PTTG1IP2: variants seen among roughly 807,000 people sequenced by gnomAD.
PTTG1IP2 encodes PTTG1IP family member 2.
chr7:90,503,339 T>C (rs1798083228), intron 6 of PTTG1IP2, among the ~76,000 whole-genome samples: 1 of 152,230 alleles, frequency 6.6e-6, no homozygotes, highest in South Asian at 2.1e-4. Flanking sequence ...ATATCAGCAA[T>C]AAGGCTATTT....
chr7:90,493,277 G>A (rs577652079), intron 5 of PTTG1IP2, among the ~76,000 whole-genome samples: 11 of 152,142 alleles, frequency 7.2e-5, no homozygotes, highest in Admixed American at 2.0e-4. Flanking sequence ...AACCTTTTAG[G>A]GTAAGGATGA....
chr7:90,491,387 C>T (rs1584695956), intron 4 of PTTG1IP2, among the ~76,000 whole-genome samples: 1 of 152,170 alleles, frequency 6.6e-6, no homozygotes, highest in East Asian at 1.9e-4. Flanking sequence ...CTTTGAGAGA[C>T]TGAGGTGGGT....
At chr7:90,470,496 T>G (rs572440877) in intron 1 of PTTG1IP2, 29 of 152,240 alleles carry the variant, frequency 1.9e-4, no homozygotes, top group Non-Finnish European at 3.4e-4. Context: ...AGACAGAATT[T>G]GAATTACTTG....
At chr7:90,474,365 A>G (rs1323112750) in intron 1 of PTTG1IP2, among the ~76,000 whole-genome samples, 1 of 152,226 alleles carries the variant, frequency 6.6e-6, no homozygotes, top group East Asian at 1.9e-4. Flanking sequence ...CAGTGCTGGA[A>G]AACAACATGA....
chr7:90,470,963 CAAAAAAAAAAAA>C (rs5885726), intron 1 of PTTG1IP2, among the ~76,000 whole-genome samples: 1 of 108,112 alleles, frequency 9.2e-6, no homozygotes, highest in African/African-American at 3.3e-5. Flanking sequence ...TGATGAAGAA[CAAAAAAAAAAAA>C]AAAAAGAAAA....
intron 2 of PTTG1IP2, among the ~76,000 whole-genome samples, chr7:90,484,548 G>GA (rs1294623913): frequency 1.2e-4 from 18 of 151,816 alleles, no homozygotes; most frequent in Non-Finnish European, 7.4e-5. Flanking sequence ...TTAGTTACAA[G>GA]AAAAAAATCA....
intron 3 of PTTG1IP2, among the ~76,000 whole-genome samples, chr7:90,487,639 G>C (rs1469201534): frequency 6.6e-6 from 1 of 152,150 alleles, no homozygotes; most frequent in Non-Finnish European, 1.5e-5. Context: ...TAAAAATATA[G>C]CAAGTCCAGG....
intron 6 of PTTG1IP2, among the ~76,000 whole-genome samples, chr7:90,498,095 G>A (rs1358551377): frequency 2.0e-5 from 3 of 151,536 alleles, no homozygotes; most frequent in East Asian, 1.9e-4. Context: ...GCACGATCTC[G>A]GCTCACTGCA....
chr7:90,478,412 G>A (rs112992291), intron 1 of PTTG1IP2, among the ~76,000 whole-genome samples: 21 of 152,250 alleles, frequency 1.4e-4, no homozygotes, highest in African/African-American at 4.8e-5. Flanking sequence ...GGTATTTCAA[G>A]GATACTTTCG....
intron 2 of PTTG1IP2, 84 bp from the exon 3 acceptor site, chr7:90,487,243 C>T (rs1359645905): frequency 3.9e-5 from 6 of 152,554 alleles, no homozygotes; most frequent in Non-Finnish European, 8.8e-5. Context: ...TTATTGAATA[C>T]TTATTGAGTT....
At chr7:90,500,042 C>G (rs1245168711) in intron 6 of PTTG1IP2, among the ~76,000 whole-genome samples, 1 of 151,922 alleles carries the variant, frequency 6.6e-6, no homozygotes, top group Non-Finnish European at 1.5e-5. Context: ...GGTGAAACCC[C>G]ATCTCTATTA....
intron 6 of PTTG1IP2, among the ~76,000 whole-genome samples, chr7:90,512,832 T>G (rs895998011): frequency 6.6e-6 from 1 of 152,222 alleles, no homozygotes; most frequent in African/African-American, 2.4e-5. Flanking sequence ...AGTAACAGAC[T>G]TTGACAGGAC....
chr7:90,495,138 A>T (rs934172670), intron 6 of PTTG1IP2, among the ~76,000 whole-genome samples: 1 of 152,190 alleles, frequency 6.6e-6, no homozygotes, highest in Non-Finnish European at 1.5e-5. Flanking sequence ...TAGACAACTA[A>T]CTTAATCTGT....
chr7:90,475,939 C>CA lies in PTTG1IP2; in HGVS notation c.146-3275dup, dbSNP rs71104471. 1.6e-3 allele frequency among the ~76,000 whole-genome samples: 197 copies of CA among 127,006 alleles called. 1 individual carries two copies. Among genetic ancestry groups the CA allele is most frequent in the Non-Finnish European group, 1.9e-3 (112 of 60,150 alleles). 83.3% of individuals were successfully genotyped at this position (127,006 alleles called of 152,430 possible). On this transcript the variant is annotated intron_variant, in intron 1 of 6. Coordinates refer to ENST00000509356, the MANE Select transcript of PTTG1IP2 (RefSeq NM_001365443.2). ...TTGGTGACAGAATGAGACTCTGTCT[C>CA]AAAAAAAAAAAAAAGAAAAAGAAAA...
chr7:90,503,505 T>C (rs1230931399), intron 6 of PTTG1IP2, among the ~76,000 whole-genome samples: 2 of 152,214 alleles, frequency 1.3e-5, no homozygotes, highest in Non-Finnish European at 2.9e-5. Flanking sequence ...GTTTAATCAT[T>C]TCTAGCTTTT....
rs1797789337 is a variant in PTTG1IP2, at chr7:90,479,232, T to C, written c.150T>C (p.Cys50=). Residue 50 remains cysteine (C), a synonymous_variant, in exon 2 of 7, where the codon TGT becomes TGC. Transcript: ENST00000509356. Reference sequence around the variant, plus strand: ...CTTAATTTTTTTTAATTGTAGAATGTGCTGTAAAGAAGAGTTGTCAATTGT... The same window carrying C: ...CTTAATTTTTTTTAATTGTAGAATGCGCTGTAAAGAAGAGTTGTCAATTGT... The part of the protein sequence containing the change: ...QKPRDGNEEE[C]AVKKSCQLCT... 1 of 152,614 alleles carries C rather than the reference T, an allele frequency of 6.6e-6. No homozygotes were observed. Among genetic ancestry groups the C allele is most frequent in the African/African-American group, 2.4e-5 (1 of 41,450 alleles). The allele number at this position is 152,614 out of a possible 1,614,324, so 9.5% of individuals were successfully genotyped here.
chr7:90,501,950 A>G (rs1174830523), intron 6 of PTTG1IP2, among the ~76,000 whole-genome samples: 1 of 152,188 alleles, frequency 6.6e-6, no homozygotes, highest in Non-Finnish European at 1.5e-5. Context: ...CTCTCACACC[A>G]TGATGTTGGT....
chr7:90,510,178 T>C (rs545214495), intron 6 of PTTG1IP2, among the ~76,000 whole-genome samples: 12 of 152,342 alleles, frequency 7.9e-5, no homozygotes, highest in Middle Eastern at 6.8e-3. Context: ...CGGGGACCAC[T>C]GTGCCTAAAT....
chr7:90,470,849 C>G (rs1302539480), intron 1 of PTTG1IP2, among the ~76,000 whole-genome samples: 2 of 151,766 alleles, frequency 1.3e-5, no homozygotes, highest in African/African-American at 4.8e-5. Flanking sequence ...CAAACAGCAC[C>G]TGAAAGCATA....
Sources: gnomAD v4.1 joint callset for allele counts (sites outside exome capture counted in the v4.1 genomes callset) on GRCh38, gnomAD v4.1.1 for gene constraint, MANE v1.5 for transcripts, NCBI Gene and HGNC (gene_info 2026-07-23, HGNC 2026-07-21) for gene names.